Variants in IMMP2L observed in about 807,000 individuals in gnomAD.
The protein encoded by IMMP2L is mitochondrial inner membrane protease subunit 2.
IMMP2L carries 18 observed loss-of-function variants against 19.3 expected under a neutral mutation model. The observed-to-expected ratio is 0.93, with a 90% CI of 0.64 to 1.38. The LOEUF (loss-of-function observed/expected upper bound fraction) is 1.38. Ranked by LOEUF, IMMP2L falls within the 40% of genes most tolerant of loss-of-function variation. The pLI is 0.00. For synonymous variants in IMMP2L, 76 were observed against 73.0 expected (o/e 1.04, Z -0.21); for missense variants, 233 against 218.2 (o/e 1.07, Z -0.43).
Position 110,999,606 on chromosome 7 carries a change from A to T in IMMP2L, c.240-36041T>A, listed in dbSNP as rs1244257748. 2.1e-5 allele frequency among the ~76,000 whole-genome samples: 3 copies of T among 145,654 alleles called. No homozygotes were observed. In the East Asian group the frequency reaches 6.0e-4, roughly 29 times the overall value. ...AAACACTTCTAAATATTTTCGATGA[A>T]TAAAAAAAAAAAAAAAACCAAGATA... is the stretch of plus-strand genomic sequence containing the variant. On this transcript the variant is annotated intron_variant, in intron 3 of 5. Transcript: ENST00000405709.
intron 5 of IMMP2L, among the ~76,000 whole-genome samples, chr7:110,715,481 A>C (rs943138839): frequency 2.0e-5 from 3 of 152,078 alleles, no homozygotes; most frequent in African/African-American, 2.4e-5. Flanking sequence ...GTTTTCATTT[A>C]TTTCAAATAA....
intron 4 of IMMP2L, among the ~76,000 whole-genome samples, chr7:110,898,121 A>G (rs1398321744): frequency 1.5e-4 from 23 of 151,610 alleles, no homozygotes; most frequent in Admixed American, 1.5e-3. Flanking sequence ...ATTCATATAA[A>G]AAGTAATTAC....
At chr7:111,149,174 A>G (rs1803806975) in intron 3 of IMMP2L, among the ~76,000 whole-genome samples, 1 of 152,158 alleles carries the variant, frequency 6.6e-6, no homozygotes, top group South Asian at 2.1e-4. Flanking sequence ...CAATCCCTTC[A>G]TGTTTTATAA....
At chr7:111,052,408 C>A (rs1404871027) in intron 3 of IMMP2L, among the ~76,000 whole-genome samples, 3 of 152,170 alleles carry the variant, frequency 2.0e-5, no homozygotes, top group African/African-American at 7.2e-5. Flanking sequence ...TTACTTAATT[C>A]AAGCATTTAT....
rs529435611 is a variant in IMMP2L, at chr7:111,143,770, T to C, written c.240-180205A>G. On this transcript the variant is annotated intron_variant, in intron 3 of 5. Coordinates refer to ENST00000405709, the MANE Select transcript of IMMP2L (RefSeq NM_032549.4). ...AGGGCCATATGAATCTCAGGATATTTATTGTGCTATCTACGTGAGAAAATG... is the reference window on the plus strand; with the variant it reads ...AGGGCCATATGAATCTCAGGATATTCATTGTGCTATCTACGTGAGAAAATG... Among the ~76,000 whole-genome samples, 69 of 152,278 alleles carry C rather than the reference T, an allele frequency of 4.5e-4. 1 individual carries two copies. Among genetic ancestry groups the C allele is most frequent in the African/African-American group, 1.6e-3 (67 of 41,558 alleles).
intron 4 of IMMP2L, among the ~76,000 whole-genome samples, chr7:110,893,036 A>G (rs145469364): frequency 6.6e-6 from 1 of 152,236 alleles, no homozygotes; most frequent in African/African-American, 2.4e-5. Context: ...TGTCGGTTCA[A>G]TTGCAGACCA....
At chr7:110,717,199 G>A (rs545441262) in intron 5 of IMMP2L, among the ~76,000 whole-genome samples, 4 of 152,282 alleles carry the variant, frequency 2.6e-5, no homozygotes, top group East Asian at 3.9e-4. Flanking sequence ...AACTCAAGCC[G>A]GGCGTGGTGG....
At chr7:111,054,444 C>A (rs1341888437) in intron 3 of IMMP2L, among the ~76,000 whole-genome samples, 1 of 152,164 alleles carries the variant, frequency 6.6e-6, no homozygotes, top group Non-Finnish European at 1.5e-5. Flanking sequence ...GCAGTCTTTA[C>A]AAGATACAAT....
chr7:111,055,914 G>C (rs1793468856), intron 3 of IMMP2L, among the ~76,000 whole-genome samples: 2 of 152,160 alleles, frequency 1.3e-5, no homozygotes, highest in African/African-American at 4.8e-5. Context: ...TCATATTGAT[G>C]TATGTGTGGC....
chr7:111,472,394 T>C (rs1841349165), intron 3 of IMMP2L, among the ~76,000 whole-genome samples: 1 of 152,154 alleles, frequency 6.6e-6, no homozygotes, highest in African/African-American at 2.4e-5. Context: ...GTAATATTCA[T>C]ACAAAATTAA....
chr7:110,807,431 G>C (rs1380216133), intron 5 of IMMP2L, among the ~76,000 whole-genome samples: 1 of 151,856 alleles, frequency 6.6e-6, no homozygotes, highest in South Asian at 2.1e-4. Flanking sequence ...TCTCCAACCT[G>C]AACAAAACAA....
intron 5 of IMMP2L, among the ~76,000 whole-genome samples, chr7:110,705,762 C>T (rs1794631415): frequency 6.6e-6 from 1 of 151,752 alleles, no homozygotes; most frequent in Non-Finnish European, 1.5e-5. Flanking sequence ...TCTATTAGTC[C>T]CCAGTGTCTA....
At chr7:111,331,620 G>A (rs1825886567) in intron 3 of IMMP2L, among the ~76,000 whole-genome samples, 1 of 151,776 alleles carries the variant, frequency 6.6e-6, no homozygotes, top group African/African-American at 2.4e-5. Flanking sequence ...TAACTAACTT[G>A]ATTTAATTAT....
At chr7:110,764,545 TTC>T (rs1273380390) in intron 5 of IMMP2L, among the ~76,000 whole-genome samples, 1 of 152,092 alleles carries the variant, frequency 6.6e-6, no homozygotes, top group Admixed American at 6.6e-5. Flanking sequence ...GTATTAAGAA[TTC>T]TCTGTGTAAG....
At chr7:110,723,674 G>C (rs1386749927) in intron 5 of IMMP2L, among the ~76,000 whole-genome samples, 1 of 152,072 alleles carries the variant, frequency 6.6e-6, no homozygotes, top group Admixed American at 6.5e-5. Context: ...AACATCCACA[G>C]TTTCAAGAGA....
At chr7:111,519,279 C>T (rs936042709) in intron 2 of IMMP2L, among the ~76,000 whole-genome samples, 2 of 152,118 alleles carry the variant, frequency 1.3e-5, no homozygotes, top group Non-Finnish European at 2.9e-5. Context: ...AGCACTCCAG[C>T]GGCATCCAAG....
chr7:111,468,785 G>A lies in IMMP2L; in HGVS notation c.239+18453C>T, dbSNP rs866911417. ...ATATTCAATAGATATTTTTCAGGTA[G>A]ACCCAAAAAGACTCTGTGTCTAACT... On this transcript the variant is annotated intron_variant, in intron 3 of 5. Coordinates refer to ENST00000405709, the MANE Select transcript of IMMP2L (RefSeq NM_032549.4). Among the ~76,000 whole-genome samples, 2 of 152,038 alleles carry A rather than the reference G, an allele frequency of 1.3e-5. 1 individual carries two copies. Among genetic ancestry groups the A allele is most frequent in the Admixed American group, 1.3e-4 (2 of 15,250 alleles).
At position 110,793,083 on chromosome 7, in the gene IMMP2L, A is replaced by T. The variant is rs1800581271; in HGVS notation, c.408+93510T>A. 2.0e-5 allele frequency among the ~76,000 whole-genome samples: 3 copies of T among 152,190 alleles called. No individual in the cohort carries two copies. In the South Asian group the frequency reaches 6.2e-4, roughly 32 times the overall value. The stretch of plus-strand genomic sequence containing the variant: ...GGTTACTGGGGTGGGCAGTTGGGGA[A>T]ATGGGGAGAAACTGGTCAAAATGTA... On this transcript the variant is annotated intron_variant, in intron 5 of 5. Coordinates refer to ENST00000405709, the MANE Select transcript of IMMP2L (RefSeq NM_032549.4).
intron 3 of IMMP2L, among the ~76,000 whole-genome samples, chr7:111,072,085 C>T (rs924744318): frequency 1.3e-5 from 2 of 151,998 alleles, no homozygotes; most frequent in African/African-American, 4.8e-5. Flanking sequence ...GCTTACAACT[C>T]ATTGTTGGGA....
Sources: allele counts gnomAD v4.1 joint callset (sites outside exome capture counted in the v4.1 genomes callset), GRCh38; gene constraint gnomAD v4.1.1; transcripts MANE v1.5; gene names NCBI Gene and HGNC (gene_info 2026-07-23, HGNC 2026-07-21).